The following CABYR variants were observed in gnomAD, a reference collection of about 807,000 sequenced individuals.
CABYR encodes the protein calcium-binding tyrosine phosphorylation-regulated protein.
A neutral mutation model predicts 36.1 loss-of-function variants in CABYR; 31 were observed. The observed-to-expected ratio is 0.86, with a 90% CI of 0.64 to 1.16. The LOEUF is 1.16. CABYR is among the 50% of genes most tolerant of loss of function. CABYR has a pLI of 0.00. For synonymous variants in CABYR, 146 were observed against 160.7 expected, an observed-to-expected ratio of 0.91 and a Z score of 0.69; for missense variants, 429 against 455.8, an observed-to-expected ratio of 0.94 and a Z score of 0.53.
At chr18:24,150,462 T>A (rs1428782243) in intron 3 of CABYR, 1 of 342,776 alleles carries the variant, frequency 2.9e-6, no homozygotes, top group African/African-American at 2.2e-5. Context: ...GCTGACTACA[T>A]TGTCATATAA....
intron 4 of CABYR, among the ~76,000 whole-genome samples, chr18:24,159,268 C>T (rs1361918099): frequency 6.6e-6 from 1 of 152,146 alleles, no homozygotes; most frequent in Non-Finnish European, 1.5e-5. Flanking sequence ...TGCCACTTGC[C>T]ACCACAACAC....
chr18:24,147,083 C>T (rs751640941), intron 3 of CABYR, among the ~76,000 whole-genome samples: 5 of 151,808 alleles, frequency 3.3e-5, no homozygotes, highest in Admixed American at 6.6e-5. Context: ...CTTGAGGCCA[C>T]GAGTTTGAGA....
chr18:24,139,158 G>C (rs2085234784), intron 1 of CABYR, 40 bp downstream of exon 1: 1 of 151,964 alleles, frequency 6.6e-6, no homozygotes, highest in African/African-American at 2.4e-5. Context: ...CTGCGGCCTC[G>C]GAGACCATTA....
chr18:24,157,129 G>A (rs2085811472), intron 4 of CABYR: 1 of 664,960 alleles, frequency 1.5e-6, no homozygotes, highest in South Asian at 2.0e-5. Flanking sequence ...AAATGCCAAA[G>A]CCATTTAAAG....
Position 24,143,191 on chromosome 18 carries a change from T to A in CABYR, c.77T>A (p.Leu26His), listed in dbSNP as rs2085370799. 3.1e-6 allele frequency: 5 copies of A among 1,614,110 alleles called. No homozygotes were observed. The highest frequency in any genetic ancestry group is 4.2e-6 in the Non-Finnish European group (5 of 1,179,998). Residue 26 changes from leucine (L) to histidine (H), a missense_variant, in exon 2 of 6, where the codon CTC becomes CAC. By Grantham distance (99) the Leu-to-His change is moderately conservative. Transcript: ENST00000399496. ...TLLEGISRAV[L>H]KTNPSNINQF... is the part of the protein sequence containing the mutation. The stretch of plus-strand genomic sequence containing the variant: ...CTCGAGGGAATTAGCAGAGCTGTTC[T>A]CAAAACCAACCCATCAAACATCAAC...
chr18:24,155,649 C>T (rs2085760527), intron 3 of CABYR, 52 bp from the exon 4 acceptor site: 1 of 1,320,814 alleles, frequency 7.6e-7, no homozygotes, highest in South Asian at 1.5e-5. Flanking sequence ...ATCTTTTCTT[C>T]TCTAAAAATC....
At chr18:24,144,578 C>A (rs935832498) in intron 3 of CABYR, among the ~76,000 whole-genome samples, 2 of 152,058 alleles carry the variant, frequency 1.3e-5, no homozygotes, top group African/African-American at 4.8e-5. Flanking sequence ...CCAGCCTAGG[C>A]AAAATAGTGA....
chr18:24,160,083 C>T lies in CABYR; in HGVS notation c.1139+14C>T. ...AACTGAAAACTGGTAGGTACACTTT[C>T]CTACCATAATATTTAGGCCTTAACA... is the stretch of plus-strand genomic sequence containing the variant. On this transcript the variant is annotated intron_variant, in intron 5 of 5. Coordinates refer to ENST00000399496, the MANE Select transcript of CABYR (RefSeq NM_153769.3). 1 of 1,574,808 alleles carries T rather than the reference C, an allele frequency of 6.3e-7. No homozygotes were observed. The highest frequency in any genetic ancestry group is 1.7e-5 in the Admixed American group (1 of 57,234).
rs149117622 is a variant in CABYR at position 24,155,916 on chromosome 18, G to A, written c.415G>A (p.Gly139Ser). The change falls in exon 4 of 6, where the codon GGT (glycine) becomes AGT (serine). Residue 139 changes from glycine to serine, a missense_variant. Gly to Ser is a moderately conservative substitution (Grantham distance 56). Coordinates refer to ENST00000399496, the MANE Select transcript of CABYR (RefSeq NM_153769.3). ...CACTGAGCAAACGGAAGCAGTTGGTGGTCTTTCTTCCAAACCAGCCACCCC... is the reference window on the plus strand; with the variant it reads ...CACTGAGCAAACGGAAGCAGTTGGTAGTCTTTCTTCCAAACCAGCCACCCC... ...PGTEQTEAVG[G>S]LSSKPATPKT... 74 of 1,614,004 alleles carry A rather than the reference G, an allele frequency of 4.6e-5. No homozygotes were observed. Among genetic ancestry groups the A allele is most frequent in the Non-Finnish European group, 6.2e-5 (73 of 1,180,028 alleles).
rs753729211 is a variant in CABYR at position 24,156,241 on chromosome 18, C to T, written c.541+199C>T. 13 of 1,614,114 alleles carry T rather than the reference C, an allele frequency of 8.1e-6. No homozygotes were observed. Among genetic ancestry groups the T allele is most frequent in the Non-Finnish European group, 1.1e-5 (13 of 1,180,020 alleles). On this transcript the variant is annotated intron_variant, in intron 4 of 5. Transcript: ENST00000399496. The stretch of plus-strand genomic sequence containing the variant: ...ACATCTGTCCATGTAGATTTGGGTT[C>T]TCAACCTAAAGAAAATGAGGCTGAA...
chr18:24,140,320 ATATG>A (rs1181545930), intron 1 of CABYR: 2 of 152,228 alleles, frequency 1.3e-5, no homozygotes, highest in African/African-American at 2.4e-5. Flanking sequence ...TCAAATATAT[ATATG>A]TATCAAATAG....
chr18:24,155,953 C>A lies in CABYR; in HGVS notation c.452C>A (p.Thr151Asn), dbSNP rs766944130. ...SSKPATPKTT[T>N]PPSSPPPTAV... ...AAACCAGCCACCCCTAAGACTACTACCCCACCCTCATCACCACCTCCAACA... is the reference window on the plus strand; with the variant it reads ...AAACCAGCCACCCCTAAGACTACTAACCCACCCTCATCACCACCTCCAACA... Residue 151 changes from threonine to asparagine, a missense_variant, in exon 4 of 6, where the codon ACC (threonine) becomes AAC (asparagine). Thr to Asn is a moderately conservative substitution (Grantham distance 65). Coordinates refer to ENST00000399496, the MANE Select transcript of CABYR (RefSeq NM_153769.3). The A allele has an allele frequency of 1.9e-6, 3 of 1,614,186 alleles. No individual in the cohort carries two copies. The highest frequency in any genetic ancestry group is 2.5e-6 in the Non-Finnish European group (3 of 1,180,044).
intron 3 of CABYR, among the ~76,000 whole-genome samples, chr18:24,153,717 T>C (rs1032069165): frequency 6.6e-6 from 1 of 152,202 alleles, no homozygotes; most frequent in Non-Finnish European, 1.5e-5. Context: ...GGCTTATCTA[T>C]CTGGCTTTTT....
chr18:24,161,033 C>CTGAT lies in CABYR; in HGVS notation c.*-480_*-477dup, dbSNP rs541412458. 3.3e-3 allele frequency among the ~76,000 whole-genome samples: 501 copies of CTGAT among 152,260 alleles called. 2 individuals carry two copies. Among genetic ancestry groups the CTGAT allele is most frequent in the African/African-American group, 0.011 (468 of 41,550 alleles). ...ACAAGTGTTTTAAGCAGAAGAATGA[C>CTGAT]TGATTGCTGTTTTTATTAGATCACT... is the stretch of plus-strand genomic sequence containing the variant. On this transcript the variant is annotated intron_variant, in intron 5 of 5. Transcript: ENST00000399496.
At chr18:24,160,736 G>A (rs934914783) in intron 5 of CABYR, 7 of 152,464 alleles carry the variant, frequency 4.6e-5, no homozygotes, top group Admixed American at 2.6e-4. Flanking sequence ...ATTACAACAT[G>A]TAAAGTATTA....
intron 3 of CABYR, among the ~76,000 whole-genome samples, chr18:24,148,237 A>G (rs777448753): frequency 1.1e-4 from 16 of 152,138 alleles, no homozygotes; most frequent in Non-Finnish European, 7.4e-5. Context: ...GCCTCCTAAA[A>G]TACTAATGCC....
In CABYR at chr18:24,156,053, A is replaced by T. The variant is rs2085774362; in HGVS notation, c.541+11A>T. ...CTGCTCAGATGTTAGGTAAAGTTTC[A>T]TCTATTCATTCTGATCAATCTGATG... On this transcript the variant is annotated intron_variant, in intron 4 of 5. Transcript: ENST00000399496. The T allele has an allele frequency of 6.2e-7, 1 of 1,614,058 alleles. No individual in the cohort carries two copies. The highest frequency in any genetic ancestry group is 1.3e-5 in the African/African-American group (1 of 74,914).
At chr18:24,140,296 T>C (rs2085279586) in intron 1 of CABYR, 1 of 152,196 alleles carries the variant, frequency 6.6e-6, no homozygotes, top group African/African-American at 2.4e-5. Flanking sequence ...ACATATGATA[T>C]ATATGAGTAT....
intron 3 of CABYR, among the ~76,000 whole-genome samples, chr18:24,143,825 A>C (rs1280062845): frequency 6.6e-6 from 1 of 152,016 alleles, no homozygotes; most frequent in Non-Finnish European, 1.5e-5. Context: ...CATGAGGAGA[A>C]TTGGATTTCA....
Sources: allele counts gnomAD v4.1 joint callset (sites outside exome capture counted in the v4.1 genomes callset), GRCh38; gene constraint gnomAD v4.1.1; transcripts MANE v1.5; gene names NCBI Gene and HGNC (gene_info 2026-07-23, HGNC 2026-07-21).